ARPC1A: variants seen among roughly 807,000 people sequenced by gnomAD.
ARPC1A encodes the protein actin related protein 2/3 complex subunit 1A.
A neutral mutation model predicts 46.9 loss-of-function variants in ARPC1A; 8 were observed. The observed-to-expected ratio is 0.17, with a 90% CI of 0.10 to 0.31. The LOEUF (loss-of-function observed/expected upper bound fraction) is 0.31. ARPC1A is among the 10% of genes least tolerant of loss of function. The pLI is 1.00. For synonymous variants in ARPC1A, 152 were observed against 169.0 expected (o/e 0.90, Z 0.78); for missense variants, 286 against 483.6 (o/e 0.59, Z 3.83).
intron 2 of ARPC1A, among the ~76,000 whole-genome samples, chr7:99,337,427 A>G (rs921205988): frequency 2.0e-5 from 3 of 152,196 alleles, no homozygotes; most frequent in African/African-American, 7.2e-5. Flanking sequence ...ATCTCAAAAA[A>G]GAAAAAAATG....
chr7:99,330,512 G>A lies in ARPC1A; in HGVS notation c.-29-2813G>A, dbSNP rs570330486. The stretch of plus-strand genomic sequence containing the variant: ...GTATTTTTAGTAGAGATAGGGTTTC[G>A]CCATGTTGGCCAGGCTGGTCTCGAA... On this transcript the variant is annotated intron_variant, in intron 1 of 9. Transcript: ENST00000262942. Among the ~76,000 whole-genome samples the A allele has an allele frequency of 3.9e-5, 6 of 152,066 alleles. No homozygotes were observed. The South Asian group carries it at 8.3e-4, about 21-fold the overall frequency.
In ARPC1A at chr7:99,363,664, T is replaced by C. The variant is rs777992042; in HGVS notation, c.1074+31T>C. On this transcript the variant is annotated intron_variant, in intron 9 of 9. Coordinates refer to ENST00000262942, the MANE Select transcript of ARPC1A (RefSeq NM_006409.4). The stretch of plus-strand genomic sequence containing the variant: ...TTCTACCTAACAGAACAAATTTTGT[T>C]TGTGTTAAAACTTTTTTTTTTTTTT... The C allele has an allele frequency of 6.4e-6, 10 of 1,551,138 alleles. No individual in the cohort carries two copies. In the South Asian group the frequency reaches 9.6e-5, roughly 15 times the overall value.
At chr7:99,329,233 A>G (rs1185592710) in intron 1 of ARPC1A, among the ~76,000 whole-genome samples, 13 of 151,454 alleles carry the variant, frequency 8.6e-5, no homozygotes, top group Admixed American at 2.0e-4. Context: ...CCCGGGAGGC[A>G]GAGTTTGCAG....
chr7:99,339,796 A>G (rs759262553), intron 3 of ARPC1A: 4 of 285,250 alleles, frequency 1.4e-5, no homozygotes, highest in Non-Finnish European at 3.0e-5. Context: ...CTGAATAGGC[A>G]TCCCTTGATT....
chr7:99,361,461 CAA>C lies in ARPC1A; in HGVS notation c.983+1740_983+1741del, dbSNP rs5886105. Among the ~76,000 whole-genome samples the C allele has an allele frequency of 3.3e-3, 359 of 110,148 alleles. 1 individual carries two copies. Among genetic ancestry groups the C allele is most frequent in the African/African-American group, 6.7e-3 (234 of 34,722 alleles). The allele number at this position is 110,148 out of a possible 152,430, so 72.3% of individuals were successfully genotyped here. A position where few individuals can be genotyped will look rare whatever the true frequency, so the allele number is the denominator to read the frequency against. On this transcript the variant is annotated intron_variant, in intron 8 of 9. Coordinates refer to ENST00000262942, the MANE Select transcript of ARPC1A (RefSeq NM_006409.4). The stretch of plus-strand genomic sequence containing the variant: ...TGGGCTACATTGTGAGATCCTATCT[CAA>C]AAAAAAAAAAAAAAAAGAACCTGAA...
At chr7:99,326,419 C>T (rs1194511886) in intron 1 of ARPC1A, among the ~76,000 whole-genome samples, 1 of 152,174 alleles carries the variant, frequency 6.6e-6, no homozygotes, top group African/African-American at 2.4e-5. Flanking sequence ...AGGATGTTTG[C>T]CTGCTCTCTA....
chr7:99,366,219 T>C lies in ARPC1A; in HGVS notation c.*290T>C, dbSNP rs903440576. On this transcript the variant is annotated 3_prime_UTR_variant, in exon 10 of 10. Transcript: ENST00000262942. ...CTTAAAAGACAGGGTGAGGGAGATATGTAAATTGTCCACTAGAAAATTAAA... is the reference window on the plus strand; with the variant it reads ...CTTAAAAGACAGGGTGAGGGAGATACGTAAATTGTCCACTAGAAAATTAAA... The C allele has an allele frequency of 2.3e-5, 8 of 343,016 alleles. No homozygotes were observed. Among genetic ancestry groups the C allele is most frequent in the Non-Finnish European group, 3.2e-5 (6 of 187,660 alleles). 21.2% of individuals were successfully genotyped at this position (343,016 alleles called of 1,614,324 possible).
chr7:99,359,935 C>T (rs748923352), intron 8 of ARPC1A, 197 bp downstream of exon 8: 35 of 640,848 alleles, frequency 5.5e-5, no homozygotes, highest in Non-Finnish European at 8.9e-5. Context: ...GAGTCGCCAC[C>T]ACCTGGTCAT....
chr7:99,343,514 G>A (rs1035925260), intron 3 of ARPC1A, among the ~76,000 whole-genome samples: 1 of 151,924 alleles, frequency 6.6e-6, no homozygotes, highest in African/African-American at 2.4e-5. Flanking sequence ...ATCAATAAGT[G>A]TTAAATGAGT....
At chr7:99,342,651 G>T (rs1465048852) in intron 3 of ARPC1A, among the ~76,000 whole-genome samples, 1 of 150,758 alleles carries the variant, frequency 6.6e-6, no homozygotes, top group African/African-American at 2.4e-5. Flanking sequence ...CCCTTCAGTG[G>T]TACAAAAAAT....
chr7:99,338,312 T>C (rs753160487), intron 3 of ARPC1A, 27 bp downstream of exon 3: 3 of 1,530,906 alleles, frequency 2.0e-6, no homozygotes, highest in South Asian at 2.3e-5. Flanking sequence ...GTGAGCTTAG[T>C]GTGATATTTC....
intron 1 of ARPC1A, among the ~76,000 whole-genome samples, chr7:99,329,165 G>C (rs1793102495): frequency 6.6e-6 from 1 of 152,062 alleles, no homozygotes; most frequent in Non-Finnish European, 1.5e-5. Context: ...GCCGGGTGTG[G>C]TGGCGGGCCC....
Position 99,344,920 on chromosome 7 carries a change from C to CTTTTTTTTTT in ARPC1A, c.392+425_392+434dup, listed in dbSNP as rs1172071932. 6.6e-3 allele frequency among the ~76,000 whole-genome samples: 132 copies of CTTTTTTTTTT among 20,108 alleles called. 41 individuals are homozygous for CTTTTTTTTTT. The highest frequency in any genetic ancestry group is 0.025 in the African/African-American group (115 of 4,574). The allele number at this position is 20,108 out of a possible 152,430, so 13.2% of individuals were successfully genotyped here. On this transcript the variant is annotated intron_variant, in intron 4 of 9. Transcript: ENST00000262942. Reference sequence around the variant, plus strand: ...TAGGATTCCTACAGATAACAATGTTCTTTTTTTTTTTTTTTTTTTTTTTTT... The same window carrying CTTTTTTTTTT: ...TAGGATTCCTACAGATAACAATGTTCTTTTTTTTTTTTTTTTTTTTTTTTTTTTTTTTTTT...
chr7:99,356,617 A>AG (rs1010997760), intron 6 of ARPC1A, among the ~76,000 whole-genome samples: 13 of 145,452 alleles, frequency 8.9e-5, no homozygotes, highest in Non-Finnish European at 1.8e-4. Flanking sequence ...AAAAAAAAAA[A>AG]AAGACTGGGC....
intron 4 of ARPC1A, among the ~76,000 whole-genome samples, chr7:99,345,000 A>T (rs1793423878): frequency 7.7e-6 from 1 of 130,444 alleles, no homozygotes; most frequent in Non-Finnish European, 1.5e-5. Flanking sequence ...CAGTGACACG[A>T]TCATGGCTCA....
chr7:99,353,111 AGTTT>A (rs1793572047), intron 5 of ARPC1A, among the ~76,000 whole-genome samples: 8 of 123,666 alleles, frequency 6.5e-5, no homozygotes, highest in African/African-American at 3.2e-4. Context: ...AGTTTAGTTT[AGTTT>A]ATGTTATGTT....
chr7:99,365,482 C>T (rs183967470), intron 9 of ARPC1A, among the ~76,000 whole-genome samples: 1 of 152,052 alleles, frequency 6.6e-6, no homozygotes, highest in African/African-American at 2.4e-5. Flanking sequence ...GGTGCAGTGA[C>T]GCATGCCTTT....
At chr7:99,327,724 C>G (rs1584372152) in intron 1 of ARPC1A, among the ~76,000 whole-genome samples, 1 of 152,008 alleles carries the variant, frequency 6.6e-6, no homozygotes, top group Non-Finnish European at 1.5e-5. Context: ...CTATTTTGGA[C>G]GCGGAGTGGT....
chr7:99,354,254 G>A (rs1034206345), intron 6 of ARPC1A, 133 bp downstream of exon 6: 8 of 1,020,246 alleles, frequency 7.8e-6, no homozygotes, highest in Non-Finnish European at 9.8e-6. Flanking sequence ...CAGGCGTGGT[G>A]GCTCACGCCT....
Sources: gnomAD v4.1 joint callset for allele counts (sites outside exome capture counted in the v4.1 genomes callset) on GRCh38, gnomAD v4.1.1 for gene constraint, MANE v1.5 for transcripts, NCBI Gene and HGNC (gene_info 2026-07-23, HGNC 2026-07-21) for gene names.